Variants in OLFML2B observed in about 807,000 individuals in gnomAD.
The protein encoded by OLFML2B is olfactomedin-like protein 2B.
In OLFML2B, 57 loss-of-function variants were observed where a neutral mutation model predicts 74.9. The ratio of observed to expected loss-of-function variants is 0.76; its 90% CI spans 0.61 to 0.95. The LOEUF (loss-of-function observed/expected upper bound fraction) is 0.95. OLFML2B is among the 40% of genes least tolerant of loss of function. OLFML2B has a pLI of 0.00. For missense variants in OLFML2B, 986 were observed against 970.6 expected (o/e 1.02, Z -0.21); for synonymous variants, 388 against 405.8 (o/e 0.96, Z 0.53).
chr1:161,997,363 T>A (rs1411960006), intron 6 of OLFML2B, among the ~76,000 whole-genome samples: 3 of 152,152 alleles, frequency 2.0e-5, no homozygotes, highest in Non-Finnish European at 4.4e-5. Context: ...GGCTCATGAT[T>A]TTGCACGGAG....
intron 3 of OLFML2B, among the ~76,000 whole-genome samples, chr1:162,010,771 G>C (rs1199514551): frequency 6.6e-6 from 1 of 152,044 alleles, no homozygotes; most frequent in African/African-American, 2.4e-5. Flanking sequence ...TGGCTCTGGA[G>C]ATCAGGTGTA....
chr1:161,997,174 A>G (rs1190267812), intron 6 of OLFML2B, among the ~76,000 whole-genome samples: 1 of 152,186 alleles, frequency 6.6e-6, no homozygotes, highest in Non-Finnish European at 1.5e-5. Context: ...AAAAAAAAAG[A>G]AAACTCTTAT....
intron 4 of OLFML2B, among the ~76,000 whole-genome samples, chr1:162,003,488 T>A (rs867643248): frequency 1.3e-5 from 2 of 152,316 alleles, no homozygotes; most frequent in Non-Finnish European, 1.5e-5. Context: ...GGACAGCCCT[T>A]GCCAGAGAAC....
intron 5 of OLFML2B, among the ~76,000 whole-genome samples, chr1:161,998,997 A>G (rs560859611): frequency 5.2e-4 from 79 of 152,320 alleles, no homozygotes; most frequent in South Asian, 2.1e-3. Context: ...GAGGCAGGAC[A>G]TGCGTGCAGC....
In OLFML2B at chr1:162,019,968, C is replaced by G. The variant is rs199932244; in HGVS notation, c.389G>C (p.Gly130Ala). 1 of 1,614,208 alleles carries G rather than the reference C, an allele frequency of 6.2e-7. No individual in the cohort carries two copies. Among genetic ancestry groups the G allele is most frequent in the Admixed American group, 1.7e-5 (1 of 60,034 alleles). Residue 130 changes from glycine (G) to alanine (A), a missense_variant, in exon 2 of 8, where the codon GGA (glycine) becomes GCA (alanine). Transcript: ENST00000294794. ...APPSALNPCE[G>A]DFRLQKLREA... ...CCGCAGCTTCTGGAGCCTGAAGTCT[C>G]CCTCGCAGGGATTGAGGGCCGATGG... is the stretch of plus-strand genomic sequence containing the variant.
chr1:162,010,188 C>A (rs1690339588), intron 3 of OLFML2B, among the ~76,000 whole-genome samples: 3 of 152,188 alleles, frequency 2.0e-5, no homozygotes, highest in Admixed American at 2.0e-4. Context: ...CCAACTGTGG[C>A]AATGAAAGAT....
chr1:161,989,938 T>C lies in OLFML2B; in HGVS notation c.1475-4958A>G, dbSNP rs577661027. On this transcript the variant is annotated intron_variant, in intron 6 of 7. Coordinates refer to ENST00000294794, the MANE Select transcript of OLFML2B (RefSeq NM_015441.3). ...CGAAAGCAGGAAGAAGGCAGTGGTG[T>C]TCTAAGAAACACAAATGGTCAAGGA... Among the ~76,000 whole-genome samples the C allele has an allele frequency of 7.0e-4, 107 of 152,338 alleles. 1 individual carries two copies. Among genetic ancestry groups the C allele is most frequent in the African/African-American group, 2.5e-3 (106 of 41,584 alleles).
chr1:161,999,371 CA>C (rs1690018845), intron 5 of OLFML2B, among the ~76,000 whole-genome samples: 1 of 151,866 alleles, frequency 6.6e-6, no homozygotes, highest in South Asian at 2.1e-4. Context: ...AAATCAATGA[CA>C]CAAAAAAAAT....
chr1:162,014,588 T>C (rs1690479633), intron 3 of OLFML2B, among the ~76,000 whole-genome samples: 1 of 152,252 alleles, frequency 6.6e-6, no homozygotes, highest in Non-Finnish European at 1.5e-5. Context: ...CCATTCCTCC[T>C]GCAGAACCGA....
Position 162,006,575 on chromosome 1 carries a change from G to C in OLFML2B, c.547-102C>G. On this transcript the variant is annotated intron_variant, in intron 3 of 7. Transcript: ENST00000294794. ...TCAGAGCACACAGACACAACAGACA[G>C]GCTGAGAAATCATCCAACAAGTGAT... is the stretch of plus-strand genomic sequence containing the variant. 6.6e-6 allele frequency: 6 copies of C among 913,834 alleles called. No individual in the cohort carries two copies. In the South Asian group the frequency reaches 1.0e-4, roughly 15 times the overall value. 56.6% of individuals were successfully genotyped at this position (913,834 alleles called of 1,614,324 possible).
intron 4 of OLFML2B, among the ~76,000 whole-genome samples, chr1:162,001,679 G>C (rs1690084103): frequency 6.6e-6 from 1 of 152,202 alleles, no homozygotes. Flanking sequence ...TTCTGCTGTA[G>C]CACCTCTCCT....
chr1:162,006,571 G>T, intron 3 of OLFML2B, 98 bp from the exon 4 acceptor site: 1 of 927,620 alleles, frequency 1.1e-6, no homozygotes, highest in Non-Finnish European at 1.6e-6. Context: ...AGACACAACA[G>T]ACAGGCTGAG....
chr1:161,987,408 G>C (rs1689620013), intron 6 of OLFML2B, among the ~76,000 whole-genome samples: 1 of 152,164 alleles, frequency 6.6e-6, no homozygotes, highest in Admixed American at 6.5e-5. Flanking sequence ...AATAAATACA[G>C]TCACAAGTAT....
Position 162,020,070 on chromosome 1 carries a change from G to T in OLFML2B, c.287C>A (p.Ala96Asp), listed in dbSNP as rs1455821578. 4 of 1,614,134 alleles carry T rather than the reference G, an allele frequency of 2.5e-6. No homozygotes were observed. Among genetic ancestry groups the T allele is most frequent in the South Asian group, 1.1e-5 (1 of 91,080 alleles). ...GGTATAGAAGTCTTCCTTCCTGGAG[G>T]CCCCCGCATTGATCCTCTGGCAGGC... Reference protein sequence around the residue: ...RDACQRINAGASRKEDFYTVE... With the variant: ...RDACQRINAGDSRKEDFYTVE... Residue 96 changes from alanine (A) to aspartate (D), a missense_variant, in exon 2 of 8, where the codon GCC becomes GAC. Coordinates refer to ENST00000294794, the MANE Select transcript of OLFML2B (RefSeq NM_015441.3).
intron 6 of OLFML2B, 35 bp from the exon 7 acceptor site, chr1:161,985,015 G>A (rs372066242): frequency 3.2e-6 from 5 of 1,576,892 alleles, no homozygotes; most frequent in Non-Finnish European, 4.3e-6. Flanking sequence ...GTTTTGGGCT[G>A]ATCTAGTGAT....
chr1:162,008,577 T>A (rs933851617), intron 3 of OLFML2B, among the ~76,000 whole-genome samples: 1 of 152,210 alleles, frequency 6.6e-6, no homozygotes, highest in Non-Finnish European at 1.5e-5. Context: ...AGGATATGCA[T>A]AGATGCTGAG....
chr1:161,992,762 A>G (rs1689778037), intron 6 of OLFML2B, among the ~76,000 whole-genome samples: 1 of 152,224 alleles, frequency 6.6e-6, no homozygotes, highest in African/African-American at 2.4e-5. Flanking sequence ...ACTGCTTTGT[A>G]TCGGTGTGGG....
intron 6 of OLFML2B, 49 bp from the exon 7 acceptor site, chr1:161,985,029 TCACCCC>T: frequency 6.5e-7 from 1 of 1,549,802 alleles, no homozygotes; most frequent in Non-Finnish European, 8.7e-7. Flanking sequence ...TAGTGATGCC[TCACCCC>T]TTAAACCTTT....
chr1:162,016,873 C>G (rs971214025), intron 3 of OLFML2B, among the ~76,000 whole-genome samples: 1 of 152,200 alleles, frequency 6.6e-6, no homozygotes, highest in Non-Finnish European at 1.5e-5. Context: ...TTGCATGACT[C>G]GTCCATTCAT....
Sources: gnomAD v4.1 joint callset for allele counts (sites outside exome capture counted in the v4.1 genomes callset) on GRCh38, gnomAD v4.1.1 for gene constraint, MANE v1.5 for transcripts, NCBI Gene and HGNC (gene_info 2026-07-23, HGNC 2026-07-21) for gene names.